The following FXR1 variants were observed in gnomAD, a reference collection of about 807,000 sequenced individuals.
The protein encoded by FXR1 is FMR1 autosomal homolog 1, also known as RNA-binding protein FXR1.
Under a neutral mutation model 84.0 loss-of-function variants are expected in FXR1, and 15 were observed. The observed-to-expected ratio is 0.18, with a 90% CI of 0.12 to 0.27. The LOEUF (loss-of-function observed/expected upper bound fraction) is 0.27. FXR1 is among the 10% of genes least tolerant of loss of function. FXR1 has a pLI of 1.00. For missense variants in FXR1, 480 were observed against 774.4 expected (o/e 0.62, Z 4.51); for synonymous variants, 245 against 250.7 (o/e 0.98, Z 0.21).
intron 13 of FXR1, among the ~76,000 whole-genome samples, chr3:180,967,358 CAT>C (rs541897225): frequency 8.5e-5 from 13 of 152,142 alleles, no homozygotes; most frequent in Admixed American, 5.9e-4. Context: ...GAGATGTTAA[CAT>C]GTGAAAAGTA....
In FXR1 at chr3:180,981,182, C is replaced by G. The variant is rs980492146; in HGVS notation, c.*4890C>G. The G allele has an allele frequency of 4.6e-5, 7 of 151,848 alleles. No individual in the cohort carries two copies. Among genetic ancestry groups the G allele is most frequent in the Non-Finnish European group, 1.0e-4 (7 of 67,910 alleles). The allele number at this position is 151,848 out of a possible 1,614,324, so 9.4% of individuals were successfully genotyped here. ...AACTCTGCATTCTAACCTAAAACCC[C>G]TCTAACCCTTTAAATGAAGCATTAT... On this transcript the variant is annotated 3_prime_UTR_variant, in exon 17 of 17. Coordinates refer to ENST00000357559, the MANE Select transcript of FXR1 (RefSeq NM_005087.4).
chr3:180,973,758 G>A lies in FXR1; in HGVS notation c.1604-1555G>A, dbSNP rs541749765. ...GTTTTCTAGTAAATGATGTATGTAA[G>A]TTCTGAAATAGGTTGTTCCTTTGTG... On this transcript the variant is annotated intron_variant, in intron 15 of 16. Transcript: ENST00000357559. Among the ~76,000 whole-genome samples the A allele has an allele frequency of 1.8e-4, 28 of 152,298 alleles. 1 individual carries two copies. Among genetic ancestry groups the A allele is most frequent in the African/African-American group, 5.8e-4 (24 of 41,556 alleles).
chr3:180,926,989 C>T (rs1226261829), intron 1 of FXR1, among the ~76,000 whole-genome samples: 1 of 152,032 alleles, frequency 6.6e-6, no homozygotes, highest in Non-Finnish European at 1.5e-5. Flanking sequence ...GATACCTGAT[C>T]TATTGATCAG....
intron 1 of FXR1, among the ~76,000 whole-genome samples, chr3:180,916,661 C>T (rs532110701): frequency 1.3e-5 from 2 of 152,280 alleles, no homozygotes; most frequent in East Asian, 3.9e-4. Flanking sequence ...CCCTCCTCGG[C>T]CTCCCAAAGT....
chr3:180,917,808 G>A (rs1424127876), intron 1 of FXR1, among the ~76,000 whole-genome samples: 2 of 151,988 alleles, frequency 1.3e-5, no homozygotes, highest in Admixed American at 1.3e-4. Context: ...TTAGCCAGGT[G>A]TGGTGGCACG....
chr3:180,936,402 G>A (rs1720533195), intron 3 of FXR1, among the ~76,000 whole-genome samples: 1 of 152,028 alleles, frequency 6.6e-6, no homozygotes, highest in African/African-American at 2.4e-5. Context: ...TGAGTATCTG[G>A]GATTATAGGT....
chr3:180,970,848 C>G (rs1713474160), intron 15 of FXR1, among the ~76,000 whole-genome samples: 1 of 152,112 alleles, frequency 6.6e-6, no homozygotes, highest in Non-Finnish European at 1.5e-5. Context: ...CTGAGTTTTA[C>G]TGTGAGTTAA....
intron 1 of FXR1, among the ~76,000 whole-genome samples, chr3:180,932,006 G>T (rs2108441999): frequency 1.4e-5 from 2 of 141,230 alleles, no homozygotes; most frequent in South Asian, 4.5e-4. Flanking sequence ...CTTCCAAAGT[G>T]CTGGGTGCCT....
intron 7 of FXR1, among the ~76,000 whole-genome samples, chr3:180,950,080 C>T (rs1282278610): frequency 6.6e-6 from 1 of 152,114 alleles, no homozygotes. Flanking sequence ...TTAAGCTTAT[C>T]ATTATATCTC....
intron 3 of FXR1, among the ~76,000 whole-genome samples, chr3:180,938,232 T>C (rs757649200): frequency 5.9e-5 from 9 of 152,228 alleles, no homozygotes; most frequent in Admixed American, 2.6e-4. Flanking sequence ...GGTTAATGTT[T>C]TTAAAAGTAT....
chr3:180,937,112 G>T (rs1262121007), intron 3 of FXR1, among the ~76,000 whole-genome samples: 1 of 152,148 alleles, frequency 6.6e-6, no homozygotes, highest in Non-Finnish European at 1.5e-5. Context: ...ATAGTTTTCT[G>T]TGAGAATAAA....
intron 1 of FXR1, among the ~76,000 whole-genome samples, chr3:180,930,938 A>G (rs1719811818): frequency 1.4e-5 from 2 of 146,978 alleles, no homozygotes; most frequent in South Asian, 4.6e-4. Flanking sequence ...TTGAGGTAGG[A>G]GGATCGCTTG....
At chr3:180,933,132 G>GA in intron 1 of FXR1, 1 of 511,266 alleles carries the variant, frequency 2.0e-6, no homozygotes, top group South Asian at 2.7e-5. Flanking sequence ...GACACCGGGT[G>GA]AAAAATGAGG....
At chr3:180,948,597 A>G (rs550046646) in intron 5 of FXR1, 102 bp downstream of exon 5, 2 of 1,016,778 alleles carry the variant, frequency 2.0e-6, no homozygotes, top group East Asian at 2.4e-5. Context: ...TCTGATGGAA[A>G]ATCATCTTAA....
At chr3:180,965,551 G>C (rs1712711081) in intron 13 of FXR1, among the ~76,000 whole-genome samples, 1 of 152,148 alleles carries the variant, frequency 6.6e-6, no homozygotes, top group Non-Finnish European at 1.5e-5. Flanking sequence ...TGTCAGCTGG[G>C]CTACGTTTCT....
At chr3:180,976,054 A>G in intron 16 of FXR1, 68 bp from the exon 17 acceptor site, 1 of 1,198,176 alleles carries the variant, frequency 8.3e-7, no homozygotes, top group Non-Finnish European at 1.2e-6. Flanking sequence ...GTGTTTATGT[A>G]GCTGTTTTCC....
At chr3:180,933,436 A>G (rs980661968) in intron 2 of FXR1, 50 bp downstream of exon 2, 3 of 1,078,814 alleles carry the variant, frequency 2.8e-6, no homozygotes, top group Middle Eastern at 4.0e-4. Context: ...TGGCAGTGCC[A>G]AACTTTTTGC....
chr3:180,933,094 A>G (rs1288068484), intron 1 of FXR1: 5 of 461,614 alleles, frequency 1.1e-5, no homozygotes, highest in East Asian at 4.1e-5. Flanking sequence ...AGGGATGTAC[A>G]TTTACTTTTG....
At chr3:180,962,764 C>G (rs1428921920) in intron 11 of FXR1, 119 bp from the exon 12 acceptor site, 3 of 682,182 alleles carry the variant, frequency 4.4e-6, no homozygotes, top group South Asian at 3.7e-5. Context: ...ACACAATGCT[C>G]TTTACCATCT....
Sources: gnomAD v4.1 joint callset for allele counts (sites outside exome capture counted in the v4.1 genomes callset) on GRCh38, gnomAD v4.1.1 for gene constraint, MANE v1.5 for transcripts, NCBI Gene and HGNC (gene_info 2026-07-23, HGNC 2026-07-21) for gene names.